The following MTA3 variants were observed in gnomAD, a reference collection of about 807,000 sequenced individuals.
The protein encoded by MTA3 is metastasis-associated protein MTA3.
MTA3 carries 34 observed loss-of-function variants against 83.5 expected under a neutral mutation model. The ratio of observed to expected loss-of-function variants is 0.41; its 90% confidence interval spans 0.31 to 0.54. The LOEUF is 0.54. Ranked by LOEUF, MTA3 falls within the 20% of genes least tolerant of loss-of-function variation. The pLI, the probability that MTA3 is intolerant of heterozygous loss-of-function variation, is 0.33. For missense variants in MTA3, 761 were observed against 726.4 expected (o/e 1.05, Z -0.55); for synonymous variants, 303 against 252.7 (o/e 1.20, Z -1.89).
At chr2:42,697,870 G>T (rs976562293) in intron 11 of MTA3, 36 bp downstream of exon 11, 2 of 1,419,360 alleles carry the variant, frequency 1.4e-6, no homozygotes, top group Non-Finnish European at 1.9e-6. Context: ...ATTTGTTTTG[G>T]TCTTAATTTT....
intron 9 of MTA3, 53 bp from the exon 10 acceptor site, chr2:42,695,712 C>G: frequency 1.1e-6 from 1 of 933,270 alleles, no homozygotes; most frequent in South Asian, 1.8e-5. Context: ...TTATTTTCAT[C>G]TCATTTTATT....
At chr2:42,510,416 C>A (rs1311406320) in intron 2 of MTA3, among the ~76,000 whole-genome samples, 1 of 151,916 alleles carries the variant, frequency 6.6e-6, no homozygotes, top group Non-Finnish European at 1.5e-5. Flanking sequence ...ATGCTTTAGT[C>A]AGAAAAGTTC....
chr2:42,722,787 T>A, intron 15 of MTA3, 102 bp from the exon 16 acceptor site: 1 of 1,363,590 alleles, frequency 7.3e-7, no homozygotes, highest in Non-Finnish European at 1.0e-6. Context: ...GAACTGACTC[T>A]CAGCTCATTA....
At chr2:42,518,455 T>C (rs890755447) in intron 2 of MTA3, among the ~76,000 whole-genome samples, 7 of 152,184 alleles carry the variant, frequency 4.6e-5, no homozygotes, top group African/African-American at 1.7e-4. Context: ...TGGCCAAAGC[T>C]AGAGCAATTT....
At chr2:42,749,995 A>G (rs199693850) in intron 16 of MTA3, among the ~76,000 whole-genome samples, 1 of 150,746 alleles carries the variant, frequency 6.6e-6, no homozygotes, top group Non-Finnish European at 1.5e-5. Context: ...TTTTTATTTT[A>G]TTTATTTATT....
intron 14 of MTA3, 147 bp downstream of exon 14, chr2:42,709,243 GT>G: frequency 7.0e-7 from 1 of 1,427,004 alleles, no homozygotes; most frequent in Non-Finnish European, 9.1e-7. Flanking sequence ...TTTTAACATT[GT>G]TTTTGTGTGC....
chr2:42,610,176 G>C (rs1294768614), intron 4 of MTA3, among the ~76,000 whole-genome samples: 1 of 152,152 alleles, frequency 6.6e-6, no homozygotes, highest in Non-Finnish European at 1.5e-5. Context: ...TTTTCAGAAT[G>C]GTACAGAAGA....
intron 2 of MTA3, among the ~76,000 whole-genome samples, chr2:42,537,492 G>C (rs1381291569): frequency 6.6e-6 from 1 of 151,970 alleles, no homozygotes; most frequent in Non-Finnish European, 1.5e-5. Flanking sequence ...TTGAACCCGG[G>C]AAGCGGAGGT....
chr2:42,523,946 A>T (rs1389135180), intron 2 of MTA3, among the ~76,000 whole-genome samples: 1 of 152,118 alleles, frequency 6.6e-6, no homozygotes, highest in Non-Finnish European at 1.5e-5. Context: ...AATAAATAAA[A>T]AAGGCAAGCC....
At chr2:42,725,624 A>G (rs1486513772) in intron 16 of MTA3, among the ~76,000 whole-genome samples, 1 of 152,240 alleles carries the variant, frequency 6.6e-6, no homozygotes, top group Non-Finnish European at 1.5e-5. Flanking sequence ...GGAGGGCCTC[A>G]GAGCCAGAAC....
intron 16 of MTA3, among the ~76,000 whole-genome samples, chr2:42,737,366 C>A (rs1054336953): frequency 6.6e-6 from 1 of 152,188 alleles, no homozygotes; most frequent in African/African-American, 2.4e-5. Context: ...CTGTGGGCAC[C>A]GGCTGAGTTC....
intron 16 of MTA3, among the ~76,000 whole-genome samples, chr2:42,723,503 T>C (rs894720555): frequency 3.9e-5 from 6 of 152,218 alleles, no homozygotes; most frequent in Admixed American, 1.3e-4. Flanking sequence ...CTACATGTCA[T>C]GAAAGGAATT....
At chr2:42,597,155 G>T (rs1424920492) in intron 3 of MTA3, among the ~76,000 whole-genome samples, 1 of 151,678 alleles carries the variant, frequency 6.6e-6, no homozygotes, top group African/African-American at 2.4e-5. Context: ...CAGGCAATCC[G>T]CCCACCTCGG....
Position 42,568,649 on chromosome 2 carries a change from A to ACGG in MTA3, c.-86_-84dup, listed in dbSNP as rs1174725985. The ACGG allele has an allele frequency of 8.9e-5, 56 of 630,934 alleles. No homozygotes were observed. The highest frequency in any genetic ancestry group is 5.5e-4 in the East Asian group (6 of 10,978). The allele number at this position is 630,934 out of a possible 1,614,324, so 39.1% of individuals were successfully genotyped here. On this transcript the variant is annotated 5_prime_UTR_variant, in exon 1 of 17. Transcript: ENST00000405094. Reference sequence around the variant, plus strand: ...TCCCCCCCGTGGCGAGGCAGCAGCGACGGCGGCGGCGGCAGCGGCGGTCGC... The same window carrying ACGG: ...TCCCCCCCGTGGCGAGGCAGCAGCGACGGCGGCGGCGGCGGCAGCGGCGGTCGC...
intron 7 of MTA3, among the ~76,000 whole-genome samples, chr2:42,657,775 A>AC: frequency 6.6e-6 from 1 of 151,312 alleles, no homozygotes; most frequent in East Asian, 1.9e-4. Context: ...AAAAAAAAAA[A>AC]AAAAAAAAGG....
Position 42,657,763 on chromosome 2 carries a change from T to TA in MTA3, c.602+1481dup, listed in dbSNP as rs60686385. Among the ~76,000 whole-genome samples the TA allele has an allele frequency of 8.8e-3, 1,128 of 127,460 alleles. 15 individuals carry two copies. The highest frequency in any genetic ancestry group is 0.027 in the African/African-American group (920 of 33,554). The allele number at this position is 127,460 out of a possible 152,430, so 83.6% of individuals were successfully genotyped here. A position where few individuals can be genotyped will look rare whatever the true frequency, so the allele number is the denominator to read the frequency against. ...GGCAATATAGTAAGACCTCATCTCT[T>TA]AAAAAAAAAAAAAAAAAAAAGGGCC... On this transcript the variant is annotated intron_variant, in intron 7 of 16. Transcript: ENST00000405094.
At chr2:42,642,903 C>T (rs918238596) in intron 5 of MTA3, among the ~76,000 whole-genome samples, 2 of 152,006 alleles carry the variant, frequency 1.3e-5, no homozygotes, top group Non-Finnish European at 2.9e-5. Context: ...CCTCGGCCTC[C>T]CAAAGTGCTG....
intron 15 of MTA3, 22 bp from the exon 16 acceptor site, chr2:42,722,867 G>T (rs1162533514): frequency 1.6e-5 from 25 of 1,550,488 alleles, no homozygotes; most frequent in Non-Finnish European, 1.2e-5. Context: ...TCTGAATTGA[G>T]AAACCTTTTT....
intron 2 of MTA3, among the ~76,000 whole-genome samples, chr2:42,539,791 T>C (rs1279432182): frequency 6.6e-6 from 1 of 152,002 alleles, no homozygotes; most frequent in Non-Finnish European, 1.5e-5. Flanking sequence ...CAGGCTGGTC[T>C]TGAACTCCTG....
Sources: allele counts gnomAD v4.1 joint callset (sites outside exome capture counted in the v4.1 genomes callset), GRCh38; gene constraint gnomAD v4.1.1; transcripts MANE v1.5; gene names NCBI Gene and HGNC (gene_info 2026-07-23, HGNC 2026-07-21).